Variants in RBFOX2 observed in about 807,000 individuals in gnomAD.
RBFOX2 encodes RNA binding fox-1 homolog 2.
Under a neutral mutation model 49.1 loss-of-function variants are expected in RBFOX2, and 10 were observed. The observed-to-expected ratio is 0.20, with a 90% confidence interval of 0.13 to 0.35. The LOEUF is 0.35. RBFOX2 is among the 10% of genes least tolerant of loss of function. RBFOX2 has a pLI of 1.00. For missense variants in RBFOX2, 323 were observed against 486.9 expected (o/e 0.66, Z 3.17); for synonymous variants, 183 against 187.4 (o/e 0.98, Z 0.19).
chr22:35,742,397 A>T (rs1930399559), exon 12 of RBFOX2: 1 of 152,670 alleles, frequency 6.6e-6, no homozygotes, highest in Non-Finnish European at 1.5e-5. Context: ...CTGCTTACAA[A>T]GAATGCTTGA....
intron 1 of RBFOX2, among the ~76,000 whole-genome samples, chr22:35,894,654 A>C (rs1417871020): frequency 6.6e-6 from 1 of 152,138 alleles, no homozygotes; most frequent in African/African-American, 2.4e-5. Context: ...ACAATGTCAC[A>C]ATCACCGCTA....
chr22:35,875,018 G>A (rs2044840559), intron 1 of RBFOX2, among the ~76,000 whole-genome samples: 1 of 152,168 alleles, frequency 6.6e-6, no homozygotes, highest in Admixed American at 6.5e-5. Context: ...CCCCACTCCT[G>A]TCCCTATGCA....
At chr22:36,001,761 T>G (rs1362514416) in intron 1 of RBFOX2, among the ~76,000 whole-genome samples, 1 of 151,866 alleles carries the variant, frequency 6.6e-6, no homozygotes, top group African/African-American at 2.4e-5. Flanking sequence ...GATCCTGTCT[T>G]AAGAAAAGAA....
At chr22:35,926,823 A>G (rs1398813327) in intron 1 of RBFOX2, among the ~76,000 whole-genome samples, 1 of 152,172 alleles carries the variant, frequency 6.6e-6, no homozygotes, top group Admixed American at 6.5e-5. Context: ...ATTACCACCA[A>G]AGAGTCCTTA....
chr22:36,016,117 T>C (rs956407635), intron 1 of RBFOX2, among the ~76,000 whole-genome samples: 4 of 152,046 alleles, frequency 2.6e-5, no homozygotes, highest in African/African-American at 4.8e-5. Flanking sequence ...GAAATCCATA[T>C]AGATCTGCTT....
intron 9 of RBFOX2, among the ~76,000 whole-genome samples, chr22:35,751,609 T>C (rs909487189): frequency 1.3e-5 from 2 of 152,172 alleles, no homozygotes; most frequent in African/African-American, 2.4e-5. Context: ...GGAGATATTA[T>C]AGAGTTCTTT....
intron 9 of RBFOX2, chr22:35,750,498 A>AT: frequency 6.6e-7 from 1 of 1,506,738 alleles, no homozygotes; most frequent in Non-Finnish European, 9.2e-7. Context: ...GGGGATTAGC[A>AT]TGGCCACAGC....
In RBFOX2 at chr22:35,781,000, A is replaced by G. The variant is rs576058752; in HGVS notation, c.399+600T>C. Among the ~76,000 whole-genome samples, 18 of 152,304 alleles carry G rather than the reference A, an allele frequency of 1.2e-4. No individual in the cohort carries two copies. In the South Asian group the frequency reaches 2.5e-3, roughly 21 times the overall value. The stretch of plus-strand genomic sequence containing the variant: ...GGAGAGGAAGGCAGTATTGAGCTGG[A>G]CTTATATGGAAGGTAAAGAAAAAAC... On this transcript the variant is annotated intron_variant, in intron 3 of 11. Coordinates refer to ENST00000405409, the Ensembl canonical transcript of RBFOX2.
At chr22:35,990,531 C>T (rs1193029551) in intron 1 of RBFOX2, among the ~76,000 whole-genome samples, 1 of 152,126 alleles carries the variant, frequency 6.6e-6, no homozygotes, top group African/African-American at 2.4e-5. Context: ...AAATGAGACG[C>T]TTGTCTTTAA....
At chr22:36,005,135 GA>G (rs1387164620) in intron 1 of RBFOX2, among the ~76,000 whole-genome samples, 2 of 152,148 alleles carry the variant, frequency 1.3e-5, no homozygotes, top group Non-Finnish European at 2.9e-5. Flanking sequence ...TGTTTACGGG[GA>G]AAAACAGCTC....
intron 2 of RBFOX2, among the ~76,000 whole-genome samples, chr22:35,797,295 G>A (rs1421782847): frequency 6.6e-6 from 1 of 151,974 alleles, no homozygotes. Context: ...GAATATTATG[G>A]TTTGTCCATT....
chr22:35,807,468 T>C (rs190634976), intron 2 of RBFOX2, among the ~76,000 whole-genome samples: 11 of 151,800 alleles, frequency 7.2e-5, no homozygotes, highest in African/African-American at 2.2e-4. Flanking sequence ...CCCCAAACAT[T>C]TGGAAAGGAA....
intron 1 of RBFOX2, among the ~76,000 whole-genome samples, chr22:35,959,176 C>A (rs1255332883): frequency 6.6e-6 from 1 of 152,108 alleles, no homozygotes; most frequent in South Asian, 2.1e-4. Context: ...GCAGGCACTG[C>A]AATGCGCTAG....
intron 2 of RBFOX2, among the ~76,000 whole-genome samples, chr22:35,795,970 A>G (rs1452041734): frequency 6.6e-6 from 1 of 152,214 alleles, no homozygotes; most frequent in East Asian, 1.9e-4. Context: ...GTATAAATAC[A>G]TACAATCTTG....
chr22:35,993,660 G>A (rs1168664502), intron 1 of RBFOX2: 1 of 152,166 alleles, frequency 6.6e-6, no homozygotes, highest in Non-Finnish European at 1.5e-5. Context: ...AGTAAGTGTA[G>A]GGCTAATTTG....
intron 1 of RBFOX2, among the ~76,000 whole-genome samples, chr22:35,902,684 G>A (rs948902142): frequency 4.0e-5 from 6 of 151,444 alleles, no homozygotes; most frequent in East Asian, 1.9e-4. Flanking sequence ...TCACTCTGTC[G>A]CCCAGGCTGG....
intron 1 of RBFOX2, among the ~76,000 whole-genome samples, chr22:35,985,948 ATAG>A (rs1441908209): frequency 1.8e-4 from 25 of 142,304 alleles, no homozygotes; most frequent in African/African-American, 6.6e-4. Flanking sequence ...AGATAGATAG[ATAG>A]ATAGAGTCTT....
intron 1 of RBFOX2, among the ~76,000 whole-genome samples, chr22:35,933,565 C>T (rs1174053021): frequency 6.6e-6 from 1 of 152,126 alleles, no homozygotes; most frequent in Non-Finnish European, 1.5e-5. Context: ...ATCCTCTTCC[C>T]TACCCATCCC....
chr22:36,012,046 G>A (rs770764816), intron 1 of RBFOX2, among the ~76,000 whole-genome samples: 7 of 152,000 alleles, frequency 4.6e-5, no homozygotes, highest in Admixed American at 6.6e-5. Flanking sequence ...TTGATCTGTT[G>A]TTGATCTAAA....
Sources: gnomAD v4.1 joint callset for allele counts (sites outside exome capture counted in the v4.1 genomes callset) on GRCh38, gnomAD v4.1.1 for gene constraint, MANE v1.5 for transcripts, NCBI Gene and HGNC (gene_info 2026-07-23, HGNC 2026-07-21) for gene names.